The following MARCHF11 variants were observed in gnomAD, a reference collection of about 807,000 sequenced individuals.
MARCHF11 encodes E3 ubiquitin-protein ligase MARCHF11.
Under a neutral mutation model 37.3 loss-of-function variants are expected in MARCHF11, and 29 were observed. That is an observed-to-expected ratio of 0.78 (90% CI 0.58 to 1.06). The LOEUF (loss-of-function observed/expected upper bound fraction) is 1.06, where lower values mean the gene tolerates loss of function less well. MARCHF11 is among the 50% of genes least tolerant of loss of function. The pLI is 0.00. For synonymous variants in MARCHF11, 233 were observed against 228.0 expected (o/e 1.02, Z -0.20); for missense variants, 482 against 533.4 (o/e 0.90, Z 0.95).
At chr5:16,154,016 C>T (rs547386202) in intron 2 of MARCHF11, among the ~76,000 whole-genome samples, 2 of 152,000 alleles carry the variant, frequency 1.3e-5, no homozygotes, top group East Asian at 1.9e-4. Context: ...ATCAGGACAA[C>T]GAGATAGGAG....
chr5:16,160,475 T>C (rs1043570999), intron 2 of MARCHF11, among the ~76,000 whole-genome samples: 2 of 149,250 alleles, frequency 1.3e-5, no homozygotes, highest in Admixed American at 6.7e-5. Flanking sequence ...TGCCACTAGA[T>C]GTTATAATTA....
At chr5:16,167,814 T>C (rs890847206) in intron 2 of MARCHF11, among the ~76,000 whole-genome samples, 15 of 152,108 alleles carry the variant, frequency 9.9e-5, no homozygotes, top group African/African-American at 3.4e-4. Context: ...TTACCAACTC[T>C]GTAACTCTTC....
intron 2 of MARCHF11, among the ~76,000 whole-genome samples, chr5:16,118,188 T>C (rs1737252334): frequency 6.6e-6 from 1 of 152,152 alleles, no homozygotes; most frequent in African/African-American, 2.4e-5. Flanking sequence ...ATGAGCTATA[T>C]GAAAGGAGCT....
At position 16,144,004 on chromosome 5, in the gene MARCHF11, T is replaced by C. The variant is rs546970602; in HGVS notation, c.693+33722A>G. On this transcript the variant is annotated intron_variant, in intron 2 of 3. Transcript: ENST00000332432. The stretch of plus-strand genomic sequence containing the variant: ...CTGTATTAAAATCAACTGAATTTCA[T>C]TGAAGCCAGCTGAATTTCTTTGTGG... 6.6e-5 allele frequency among the ~76,000 whole-genome samples: 10 copies of C among 152,330 alleles called. No individual in the cohort carries two copies. In the South Asian group the frequency reaches 8.3e-4, roughly 13 times the overall value.
intron 2 of MARCHF11, among the ~76,000 whole-genome samples, chr5:16,142,689 C>T (rs1279547875): frequency 2.7e-5 from 3 of 110,312 alleles, no homozygotes; most frequent in African/African-American, 3.6e-5. Context: ...TATATTTTAT[C>T]TTTTTTTTTT....
intron 2 of MARCHF11, among the ~76,000 whole-genome samples, chr5:16,140,141 C>T (rs565567077): frequency 1.3e-5 from 2 of 152,206 alleles, no homozygotes; most frequent in East Asian, 1.9e-4. Flanking sequence ...CTATTGGAAT[C>T]TCTGTATACA....
chr5:16,083,615 T>C (rs988741036), intron 3 of MARCHF11, among the ~76,000 whole-genome samples: 10 of 152,190 alleles, frequency 6.6e-5, no homozygotes, highest in Non-Finnish European at 1.2e-4. Flanking sequence ...GCTAATTTCT[T>C]TCTCTTTCCT....
At position 16,179,762 on chromosome 5, in the gene MARCHF11, G is replaced by A; in HGVS notation, c.-187C>T. The A allele has an allele frequency of 3.6e-6, 1 of 280,184 alleles. No homozygotes were observed. The highest frequency in any genetic ancestry group is 7.4e-5 in the East Asian group (1 of 13,502). 17.4% of individuals were successfully genotyped at this position (280,184 alleles called of 1,614,324 possible). A position where few individuals can be genotyped will look rare whatever the true frequency, so the allele number is the denominator to read the frequency against. The stretch of plus-strand genomic sequence containing the variant: ...TGCAGCTGCGGCGGCGGCAGGCGCG[G>A]CCGTTCGGTGGAGCCGCCGGCTCGG... On this transcript the variant is annotated 5_prime_UTR_variant, in exon 1 of 4. Coordinates refer to ENST00000332432, the MANE Select transcript of MARCHF11 (RefSeq NM_001102562.3).
At chr5:16,098,775 A>G (rs1419175242) in intron 2 of MARCHF11, among the ~76,000 whole-genome samples, 1 of 152,088 alleles carries the variant, frequency 6.6e-6, no homozygotes, top group Non-Finnish European at 1.5e-5. Context: ...CTCAAAAAAA[A>G]AAAAGAAAAA....
chr5:16,113,178 T>C (rs1737175852), intron 2 of MARCHF11, among the ~76,000 whole-genome samples: 1 of 152,198 alleles, frequency 6.6e-6, no homozygotes, highest in Non-Finnish European at 1.5e-5. Context: ...CCTACTATTT[T>C]TTCCCAAAAT....
At chr5:16,094,498 AGTGT>A (rs1222800858) in intron 2 of MARCHF11, among the ~76,000 whole-genome samples, 2 of 151,780 alleles carry the variant, frequency 1.3e-5, no homozygotes, top group Non-Finnish European at 2.9e-5. Context: ...GATACATAGG[AGTGT>A]GTGTGTCTGT....
chr5:16,106,335 C>T (rs1043735477), intron 2 of MARCHF11, among the ~76,000 whole-genome samples: 1 of 152,172 alleles, frequency 6.6e-6, no homozygotes, highest in African/African-American at 2.4e-5. Flanking sequence ...ATAGCTCTAT[C>T]TACATAACAT....
In MARCHF11 at chr5:16,179,018, CG is replaced by C; in HGVS notation, c.537+20del. ...GAGCTGGAGCCGCCACCGGCTGCCT[CG>C]GGGTCTCGCCGGGCCTTACCTGCTC... On this transcript the variant is annotated intron_variant, in intron 1 of 3. Transcript: ENST00000332432. 7.0e-7 allele frequency: 1 copy of C among 1,426,704 alleles called. No individual in the cohort carries two copies. Among genetic ancestry groups the C allele is most frequent in the East Asian group, 3.0e-5 (1 of 33,448 alleles). The allele number at this position is 1,426,704 out of a possible 1,614,324, so 88.4% of individuals were successfully genotyped here.
intron 2 of MARCHF11, among the ~76,000 whole-genome samples, chr5:16,139,019 A>G (rs185853807): frequency 1.3e-5 from 2 of 152,310 alleles, no homozygotes; most frequent in African/African-American, 4.8e-5. Context: ...CTTTTGAGTT[A>G]ATGCTGAAAT....
rs576475187 is a variant in MARCHF11 at position 16,137,509 on chromosome 5, T to C, written c.693+40217A>G. Among the ~76,000 whole-genome samples the C allele has an allele frequency of 3.3e-5, 5 of 152,326 alleles. No individual in the cohort carries two copies. In the South Asian group the frequency reaches 6.2e-4, roughly 19 times the overall value. ...AAATTACTCAGTCAAGTTTTCTTCA[T>C]AGCAGTATTAAAATTGACTAATACA... On this transcript the variant is annotated intron_variant, in intron 2 of 3. Coordinates refer to ENST00000332432, the MANE Select transcript of MARCHF11 (RefSeq NM_001102562.3).
intron 2 of MARCHF11, among the ~76,000 whole-genome samples, chr5:16,127,547 C>T (rs887130900): frequency 4.6e-5 from 7 of 152,150 alleles, no homozygotes; most frequent in South Asian, 2.1e-4. Context: ...TCTGGTGAAC[C>T]GCCTGGGTCA....
chr5:16,112,856 C>A (rs186465841), intron 2 of MARCHF11, among the ~76,000 whole-genome samples: 2 of 152,066 alleles, frequency 1.3e-5, no homozygotes, highest in Non-Finnish European at 2.9e-5. Flanking sequence ...CCATACTGTT[C>A]TTGTGATAGT....
chr5:16,114,204 G>A (rs764308042), intron 2 of MARCHF11, among the ~76,000 whole-genome samples: 1 of 151,982 alleles, frequency 6.6e-6, no homozygotes, highest in Non-Finnish European at 1.5e-5. Flanking sequence ...ACATATCTTA[G>A]CTACTGTCAA....
At chr5:16,163,123 G>C (rs926748129) in intron 2 of MARCHF11, among the ~76,000 whole-genome samples, 3 of 151,936 alleles carry the variant, frequency 2.0e-5, no homozygotes, top group Admixed American at 6.6e-5. Context: ...AGCTAATTGT[G>C]TCAGCATAAC....
Sources: gnomAD v4.1 joint callset for allele counts (sites outside exome capture counted in the v4.1 genomes callset) on GRCh38, gnomAD v4.1.1 for gene constraint, MANE v1.5 for transcripts, NCBI Gene and HGNC (gene_info 2026-07-23, HGNC 2026-07-21) for gene names.